The following LYG1 variants were observed in gnomAD, a reference collection of about 807,000 sequenced individuals.
The protein encoded by LYG1 is lysozyme g-like protein 1.
A neutral mutation model predicts 21.7 loss-of-function variants in LYG1; 17 were observed. The observed-to-expected ratio is 0.78, with a 90% CI of 0.54 to 1.18. LYG1 has a LOEUF of 1.18. Ranked by LOEUF, LYG1 falls within the 50% of genes most tolerant of loss-of-function variation. The pLI is 0.00. For synonymous variants in LYG1, 81 were observed against 87.4 expected, an observed-to-expected ratio of 0.93 and a Z score of 0.41; for missense variants, 211 against 238.1, an observed-to-expected ratio of 0.89 and a Z score of 0.75.
intron 2 of LYG1, among the ~76,000 whole-genome samples, chr2:99,298,106 C>T (rs1418351636): frequency 2.0e-5 from 3 of 152,156 alleles, no homozygotes; most frequent in African/African-American, 4.8e-5. Context: ...TTACAAGTGA[C>T]GAAAAGTACT....
At position 99,295,676 on chromosome 2, in the gene LYG1, C is replaced by T. The variant is rs200079651; in HGVS notation, c.-6G>A. 4.9e-5 allele frequency: 79 copies of T among 1,613,998 alleles called. No individual in the cohort carries two copies. The highest frequency in any genetic ancestry group is 8.3e-5 in the Admixed American group (5 of 60,010). On this transcript the variant is annotated 5_prime_UTR_variant, in exon 3 of 7. Transcript: ENST00000308528. ...AGCAGCCACAATGCAGACATGATGACGATCTGGCTCTACGGCTCCTGAAAC... is the reference window on the plus strand; with the variant it reads ...AGCAGCCACAATGCAGACATGATGATGATCTGGCTCTACGGCTCCTGAAAC...
intron 5 of LYG1, among the ~76,000 whole-genome samples, chr2:99,289,859 TTG>T (rs1479020628): frequency 1.1e-4 from 16 of 151,908 alleles, no homozygotes; most frequent in African/African-American, 3.9e-4. Flanking sequence ...GTTGTTGTTG[TTG>T]TTGTTGTTGT....
At chr2:99,292,332 T>C (rs972943309) in intron 4 of LYG1, among the ~76,000 whole-genome samples, 22 of 152,062 alleles carry the variant, frequency 1.4e-4, no homozygotes, top group Admixed American at 3.9e-4. Flanking sequence ...TTGTCCACAT[T>C]GTGTCAATCA....
At chr2:99,301,774 C>T (rs1348768050), upstream of LYG1, among the ~76,000 whole-genome samples, 1 of 138,998 alleles carries the variant, frequency 7.2e-6, no homozygotes, top group African/African-American at 2.7e-5. Flanking sequence ...AGGTTGCTGG[C>T]CCCTGTTCTG....
chr2:99,288,272 A>T (rs2094107517), intron 5 of LYG1, among the ~76,000 whole-genome samples: 1 of 152,128 alleles, frequency 6.6e-6, no homozygotes, highest in Non-Finnish European at 1.5e-5. Context: ...TATTTAATAT[A>T]TCATAGTTAT....
upstream of LYG1, among the ~76,000 whole-genome samples, chr2:99,301,405 A>G (rs2094153478): frequency 6.7e-6 from 1 of 148,898 alleles, no homozygotes; most frequent in Non-Finnish European, 1.5e-5. Flanking sequence ...GAGAGAGAGA[A>G]AGAGAGAGAG....
intron 3 of LYG1, among the ~76,000 whole-genome samples, chr2:99,294,078 C>T (rs938143756): frequency 2.0e-5 from 3 of 152,138 alleles, no homozygotes; most frequent in Admixed American, 1.3e-4. Flanking sequence ...CAAGCCAACA[C>T]ACCTGTGTAA....
chr2:99,291,706 T>C (rs2094118862), intron 4 of LYG1, among the ~76,000 whole-genome samples: 1 of 152,116 alleles, frequency 6.6e-6, no homozygotes, highest in Admixed American at 6.5e-5. Flanking sequence ...GACAATTCCA[T>C]GGCCATAGGA....
At chr2:99,297,117 T>C (rs373404915) in intron 2 of LYG1, among the ~76,000 whole-genome samples, 167 of 152,372 alleles carry the variant, frequency 1.1e-3, no homozygotes, top group African/African-American at 3.8e-3. Flanking sequence ...CTCTACAACA[T>C]TGAGATGGTC....
chr2:99,289,455 T>TA (rs5832870), intron 5 of LYG1, among the ~76,000 whole-genome samples: 119,857 of 146,540 alleles, frequency 0.82, 49,324 homozygotes, highest in East Asian at 0.96. Context: ...GACCCTGTCT[T>TA]AAAAAAAAAA....
At chr2:99,288,624 A>G (rs1425246786) in intron 5 of LYG1, among the ~76,000 whole-genome samples, 1 of 152,180 alleles carries the variant, frequency 6.6e-6, no homozygotes, top group Non-Finnish European at 1.5e-5. Flanking sequence ...ACTGGAGTGC[A>G]GTGGCGTGAT....
Position 99,291,169 on chromosome 2 carries a change from C to A in LYG1, c.333+68G>T. 2.0e-6 allele frequency: 3 copies of A among 1,478,632 alleles called. No individual in the cohort carries two copies. The South Asian group carries it at 3.7e-5, about 18-fold the overall frequency. The allele number at this position is 1,478,632 out of a possible 1,614,324, so 91.6% of individuals were successfully genotyped here. Reference sequence around the variant, plus strand: ...GCTGTGTTCTGTGAAGCTTTGCCATCATCCAAAAAACAAAGCAGTGGTGCC... The same window carrying A: ...GCTGTGTTCTGTGAAGCTTTGCCATAATCCAAAAAACAAAGCAGTGGTGCC... On this transcript the variant is annotated intron_variant, in intron 5 of 6. Transcript: ENST00000308528.
chr2:99,295,237 G>T (rs1419918797), intron 3 of LYG1, among the ~76,000 whole-genome samples: 3 of 152,210 alleles, frequency 2.0e-5, no homozygotes, highest in Admixed American at 6.5e-5. Flanking sequence ...CGGTTGCCTT[G>T]ATTCTGGTTT....
rs573056582 is a variant in LYG1, at chr2:99,299,561, A to G, written c.-123-1012T>C. ...TGCCTCAGCCTCCTGAGTAGCTGGG[A>G]TTACAGCCCTGTGCCACCACGCCCA... On this transcript the variant is annotated intron_variant, in intron 1 of 6. Transcript: ENST00000308528. Among the ~76,000 whole-genome samples, 54 of 150,532 alleles carry G rather than the reference A, an allele frequency of 3.6e-4. 3 individuals are homozygous for G. In the South Asian group the frequency reaches 0.01, roughly 29 times the overall value.
In LYG1 at chr2:99,295,627, C is replaced by A; in HGVS notation, c.43+1G>T. On this transcript the variant is annotated splice_donor_variant, in intron 3 of 6. Coordinates refer to ENST00000308528, the MANE Select transcript of LYG1 (RefSeq NM_174898.3). LOFTEE classifies it high-confidence loss of function. Reference sequence around the variant, plus strand: ...CATTTGTAAAAATCAGCCACACTCACCCATCAGGGCAAGGAGGCCCAGCAG... The same window carrying A: ...CATTTGTAAAAATCAGCCACACTCAACCATCAGGGCAAGGAGGCCCAGCAG... The A allele has an allele frequency of 6.2e-7, 1 of 1,614,194 alleles. No homozygotes were observed. Among genetic ancestry groups the A allele is most frequent in the African/African-American group, 1.3e-5 (1 of 75,058 alleles).
chr2:99,293,765 CAAGT>C (rs1405035719), intron 3 of LYG1, among the ~76,000 whole-genome samples: 1 of 152,076 alleles, frequency 6.6e-6, no homozygotes, highest in African/African-American at 2.4e-5. Context: ...GGTGGGTACA[CAAGT>C]ATTTATAATA....
At chr2:99,292,439 C>T (rs1389568103) in intron 4 of LYG1, 97 bp downstream of exon 4, 1 of 883,168 alleles carries the variant, frequency 1.1e-6, no homozygotes, top group African/African-American at 1.7e-5. Context: ...AGCTTTGGGA[C>T]CCCATACCCG....
chr2:99,292,592 A>G lies in LYG1; in HGVS notation c.92T>C (p.Leu31Pro). The G allele has an allele frequency of 1.2e-6, 2 of 1,614,206 alleles. No individual in the cohort carries two copies. The highest frequency in any genetic ancestry group is 1.7e-6 in the Non-Finnish European group (2 of 1,180,022). The change falls in exon 4 of 7, where the codon CTG becomes CCG. Residue 31 changes from leucine (L) to proline (P), a missense_variant. Coordinates refer to ENST00000308528, the MANE Select transcript of LYG1 (RefSeq NM_174898.3). ...CCCACAAGATGCTCCAGGGGTGTCCAGGCTTTGGATGTTTCCATAGCATCC... is the reference window on the plus strand; with the variant it reads ...CCCACAAGATGCTCCAGGGGTGTCCGGGCTTTGGATGTTTCCATAGCATCC... ...NWGCYGNIQSLDTPGASCGIG... is the reference protein window; with the variant it reads ...NWGCYGNIQSPDTPGASCGIG...
chr2:99,294,506 A>G (rs1408055111), intron 3 of LYG1, among the ~76,000 whole-genome samples: 1 of 120,374 alleles, frequency 8.3e-6, no homozygotes, highest in African/African-American at 3.1e-5. Flanking sequence ...AAACCAGCTG[A>G]CAGGTTCTTT....
Sources: allele counts gnomAD v4.1 joint callset (sites outside exome capture counted in the v4.1 genomes callset), GRCh38; gene constraint gnomAD v4.1.1; transcripts MANE v1.5; gene names NCBI Gene and HGNC (gene_info 2026-07-23, HGNC 2026-07-21).